The following EXOC6B variants were observed in gnomAD, a reference collection of about 807,000 sequenced individuals.
The protein encoded by EXOC6B is SEC15 homolog B.
A neutral mutation model predicts 113.5 loss-of-function variants in EXOC6B; 54 were observed. The observed-to-expected ratio is 0.48, with a 90% CI of 0.38 to 0.60. The LOEUF (loss-of-function observed/expected upper bound fraction) is 0.60, where lower values mean the gene tolerates loss of function less well. EXOC6B is among the 20% of genes least tolerant of loss of function. The pLI, the probability that EXOC6B is intolerant of heterozygous loss-of-function variation, is 0.00. For missense variants in EXOC6B, 797 were observed against 977.5 expected (o/e 0.82, Z 2.46); for synonymous variants, 357 against 339.0 (o/e 1.05, Z -0.58).
chr2:72,750,752 T>A (rs188493027), intron 1 of EXOC6B, among the ~76,000 whole-genome samples: 2 of 152,206 alleles, frequency 1.3e-5, no homozygotes, highest in East Asian at 3.9e-4. Context: ...TGACAATTTA[T>A]TTTTAAAGTA....
chr2:72,236,694 G>T (rs1275289897), intron 20 of EXOC6B, among the ~76,000 whole-genome samples: 3 of 152,084 alleles, frequency 2.0e-5, no homozygotes, highest in Admixed American at 2.0e-4. Context: ...AGTCTTGAAA[G>T]ACATGGTTAT....
At chr2:72,490,664 AC>A in intron 16 of EXOC6B, among the ~76,000 whole-genome samples, 1 of 152,192 alleles carries the variant, frequency 6.6e-6, no homozygotes, top group Non-Finnish European at 1.5e-5. Flanking sequence ...CCCTAAAAAC[AC>A]CCAATGACTA....
intron 20 of EXOC6B, among the ~76,000 whole-genome samples, chr2:72,290,304 C>A (rs1041475639): frequency 6.6e-6 from 1 of 152,158 alleles, no homozygotes; most frequent in Non-Finnish European, 1.5e-5. Flanking sequence ...ACTCTTGTTT[C>A]GGTTCCTCCA....
At chr2:72,203,222 C>T (rs1054797846) in intron 20 of EXOC6B, among the ~76,000 whole-genome samples, 1 of 152,170 alleles carries the variant, frequency 6.6e-6, no homozygotes, top group Non-Finnish European at 1.5e-5. Context: ...AAATCCTTCC[C>T]ATTCTAAGAG....
chr2:72,190,338 T>C (rs1222397399), intron 20 of EXOC6B, among the ~76,000 whole-genome samples: 1 of 150,436 alleles, frequency 6.6e-6, no homozygotes, highest in African/African-American at 2.5e-5. Context: ...TTCTTTGTCA[T>C]TACTTTCAAT....
chr2:72,717,682 T>C (rs187229889), intron 6 of EXOC6B, among the ~76,000 whole-genome samples: 2 of 152,254 alleles, frequency 1.3e-5, no homozygotes, highest in Admixed American at 6.5e-5. Flanking sequence ...CTGATACCTA[T>C]TAATATCAGA....
chr2:72,446,595 G>A (rs1453227730), intron 18 of EXOC6B, among the ~76,000 whole-genome samples: 2 of 151,992 alleles, frequency 1.3e-5, no homozygotes, highest in African/African-American at 4.8e-5. Flanking sequence ...ACAAAGAATG[G>A]AACAACAGAC....
At chr2:72,771,391 C>T (rs1483156947) in intron 1 of EXOC6B, among the ~76,000 whole-genome samples, 1 of 152,118 alleles carries the variant, frequency 6.6e-6, no homozygotes, top group Non-Finnish European at 1.5e-5. Context: ...TGTAAGTAGG[C>T]TTCATATATC....
chr2:72,591,033 T>G (rs1705915777), intron 6 of EXOC6B, among the ~76,000 whole-genome samples: 1 of 152,052 alleles, frequency 6.6e-6, no homozygotes, highest in African/African-American at 2.4e-5. Context: ...AAAATTGCAA[T>G]GTACCCAATC....
chr2:72,671,781 AAGAAAG>A lies in EXOC6B; in HGVS notation c.669+46316_669+46321del, dbSNP rs1211478215. Reference sequence around the variant, plus strand: ...AAAGAAAGAAAGAAAGAAAGAAAGAAAGAAAGAAAGAAAGAAAGAAAGAAAGAAAGA... The same window carrying A: ...AAAGAAAGAAAGAAAGAAAGAAAGAAAAAGAAAGAAAGAAAGAAAGAAAGA... On this transcript the variant is annotated intron_variant, in intron 6 of 21. Transcript: ENST00000272427. 4.4e-4 allele frequency among the ~76,000 whole-genome samples: 55 copies of A among 124,066 alleles called. 1 individual carries two copies. The highest frequency in any genetic ancestry group is 2.1e-3 in the African/African-American group (54 of 25,620). The allele number at this position is 124,066 out of a possible 152,430, so 81.4% of individuals were successfully genotyped here.
chr2:72,194,580 TC>T (rs1430021456), intron 20 of EXOC6B, among the ~76,000 whole-genome samples: 1 of 151,594 alleles, frequency 6.6e-6, no homozygotes, highest in Admixed American at 6.6e-5. Flanking sequence ...TCTCTCTCTC[TC>T]TCTCTCTCTC....
chr2:72,674,444 G>T (rs1387473792), intron 6 of EXOC6B, among the ~76,000 whole-genome samples: 2 of 152,118 alleles, frequency 1.3e-5, no homozygotes, highest in African/African-American at 4.8e-5. Context: ...TCACACATTT[G>T]TCCACAAACA....
At chr2:72,788,605 T>A (rs774744423) in intron 1 of EXOC6B, among the ~76,000 whole-genome samples, 1 of 152,170 alleles carries the variant, frequency 6.6e-6, no homozygotes, top group Non-Finnish European at 1.5e-5. Flanking sequence ...GAGACCAGCC[T>A]GGGCAACACA....
Position 72,745,915 on chromosome 2 carries a change from A to C in EXOC6B, c.114-4446T>G, listed in dbSNP as rs1015199979. 2.0e-5 allele frequency among the ~76,000 whole-genome samples: 3 copies of C among 152,314 alleles called. No homozygotes were observed. In the South Asian group the frequency reaches 6.2e-4, roughly 32 times the overall value. ...TCAGTAGTCAACAATGCAGTCGAAC[A>C]AAGTGTGGCATTTTTTTCTTTTAAT... On this transcript the variant is annotated intron_variant, in intron 1 of 21. Transcript: ENST00000272427.
In EXOC6B at chr2:72,441,332, G is replaced by T. The variant is rs1558668832; in HGVS notation, c.1980+23828C>A. On this transcript the variant is annotated intron_variant, in intron 18 of 21. Transcript: ENST00000272427. ...TAAAAATCTAACATCACAACTAAAA[G>T]AACTAGAGAACCAAGAGCAAACAAA... 2.6e-5 allele frequency among the ~76,000 whole-genome samples: 4 copies of T among 151,548 alleles called. No homozygotes were observed. In the South Asian group the frequency reaches 6.3e-4, roughly 24 times the overall value.
At chr2:72,641,393 G>A (rs1673220562) in intron 6 of EXOC6B, among the ~76,000 whole-genome samples, 1 of 152,222 alleles carries the variant, frequency 6.6e-6, no homozygotes, top group Non-Finnish European at 1.5e-5. Flanking sequence ...TTAGCAAACG[G>A]CACACCAGGA....
chr2:72,358,772 CCATT>C (rs1455000579), intron 19 of EXOC6B, among the ~76,000 whole-genome samples: 2 of 151,994 alleles, frequency 1.3e-5, no homozygotes, highest in African/African-American at 4.8e-5. Flanking sequence ...ACTAAAATTG[CCATT>C]CATTGACTCT....
chr2:72,676,658 C>A (rs1259676719), intron 6 of EXOC6B, among the ~76,000 whole-genome samples: 1 of 152,128 alleles, frequency 6.6e-6, no homozygotes, highest in African/African-American at 2.4e-5. Context: ...CATCTGGCTA[C>A]CTGCACAGAC....
intron 19 of EXOC6B, among the ~76,000 whole-genome samples, chr2:72,373,983 A>G (rs1279295917): frequency 1.3e-5 from 2 of 152,116 alleles, no homozygotes; most frequent in Non-Finnish European, 2.9e-5. Flanking sequence ...TTAGCCAGGC[A>G]TGGTAGTTAA....
Sources: gnomAD v4.1 joint callset for allele counts (sites outside exome capture counted in the v4.1 genomes callset) on GRCh38, gnomAD v4.1.1 for gene constraint, MANE v1.5 for transcripts, NCBI Gene and HGNC (gene_info 2026-07-23, HGNC 2026-07-21) for gene names.